The following LINS1 variants were observed in gnomAD, a reference collection of about 807,000 sequenced individuals.
LINS1 encodes the protein lines homolog 1, also known as protein Lines homolog 1.
In LINS1, 27 loss-of-function variants were observed where a neutral mutation model predicts 41.6. That is an observed-to-expected ratio of 0.65 (90% confidence interval 0.48 to 0.89). The LOEUF is 0.89. Ranked by LOEUF, LINS1 falls within the 40% of genes least tolerant of loss-of-function variation. The pLI, the probability that LINS1 is intolerant of heterozygous loss-of-function variation, is 0.00. For missense variants in LINS1, 955 were observed against 884.1 expected, an observed-to-expected ratio of 1.08 and a Z score of -1.02; for synonymous variants, 336 against 312.9, an observed-to-expected ratio of 1.07 and a Z score of -0.78.
intron 3 of LINS1, among the ~76,000 whole-genome samples, chr15:100,577,160 T>C (rs2038234514): frequency 6.6e-6 from 1 of 152,192 alleles, no homozygotes; most frequent in South Asian, 2.1e-4. Flanking sequence ...CAACAGAGTG[T>C]TGGAAATTCT....
In LINS1 at chr15:100,573,984, T is replaced by G; in HGVS notation, c.889A>C (p.Arg297=). The G allele has an allele frequency of 6.2e-7, 1 of 1,614,228 alleles. No individual in the cohort carries two copies. The highest frequency in any genetic ancestry group is 1.7e-5 in the Admixed American group (1 of 60,024). Residue 297 remains arginine (R), a synonymous_variant, in exon 5 of 7, where the codon AGG becomes CGG. Coordinates refer to ENST00000314742, the MANE Select transcript of LINS1 (RefSeq NM_001040616.3). ...TTTTTGAGGAATATGATGACCTTCC[T>G]TTTAACAAAAGCCTGAATAGGCCAG... ...ITWPIQAFVK[R]KVIIFLKKCL... is the part of the protein sequence containing the mutation.
intron 1 of LINS1, among the ~76,000 whole-genome samples, chr15:100,590,506 C>T (rs1397600920): frequency 2.0e-5 from 3 of 152,178 alleles, no homozygotes; most frequent in Admixed American, 6.5e-5. Context: ...TTGTTAGGTC[C>T]TTTTTCCATG....
chr15:100,574,020 C>G lies in LINS1; in HGVS notation c.853G>C (p.Glu285Gln). Reference protein sequence around the residue: ...ILFLKPSCMLEVITWPIQAFV... With the variant: ...ILFLKPSCMLQVITWPIQAFV... ...GCCTGAATAGGCCAGGTAATAACTT[C>G]TAGCATGCAAGATGGTTTCAAAAAT... Residue 285 changes from glutamate (E) to glutamine (Q), a missense_variant, in exon 5 of 7, where the codon GAA becomes CAA. Transcript: ENST00000314742. The G allele has an allele frequency of 6.2e-7, 1 of 1,614,056 alleles. No individual in the cohort carries two copies.
At chr15:100,586,107 G>A (rs2038790018) in intron 1 of LINS1, 1 of 152,208 alleles carries the variant, frequency 6.6e-6, no homozygotes, top group Admixed American at 6.5e-5. Flanking sequence ...GCAAATCTGT[G>A]TCCCATTTTA....
intron 1 of LINS1, among the ~76,000 whole-genome samples, chr15:100,585,333 C>G (rs1325159531): frequency 6.6e-6 from 1 of 152,222 alleles, no homozygotes; most frequent in South Asian, 2.1e-4. Flanking sequence ...AGTTGCAATG[C>G]TGTTTGGCCC....
In LINS1 at chr15:100,580,491, C is replaced by T; in HGVS notation, c.352G>A (p.Asp118Asn). Residue 118 changes from aspartate (D) to asparagine (N), a missense_variant, in exon 2 of 7, where the codon GAT (aspartate) becomes AAT (asparagine). Asp to Asn is a conservative substitution (Grantham distance 23). Transcript: ENST00000314742. ...GATTCTAAGAGAATTTTAATTACAT[C>T]TCTGTACTGCTCCTTTGCATGGAAC... ...TEFHAKEQYR[D>N]VIKILLESAK... The T allele has an allele frequency of 6.2e-7, 1 of 1,614,008 alleles. No homozygotes were observed. The highest frequency in any genetic ancestry group is 8.5e-7 in the Non-Finnish European group (1 of 1,179,950).
In LINS1 at chr15:100,568,849, GCAC is replaced by G. The variant is rs1371029938; in HGVS notation, c.*386_*388del. 11 of 183,254 alleles carry G rather than the reference GCAC, an allele frequency of 6.0e-5. No individual in the cohort carries two copies. The highest frequency in any genetic ancestry group is 1.0e-4 in the Non-Finnish European group (9 of 86,480). 11.4% of individuals were successfully genotyped at this position (183,254 alleles called of 1,614,324 possible). ...GAACTTGTCTAGAAAACCCAGCCGGGCACAGTGGCTCATGCCTGTAATCCCAGC... is the reference window on the plus strand; with the variant it reads ...GAACTTGTCTAGAAAACCCAGCCGGGAGTGGCTCATGCCTGTAATCCCAGC... On this transcript the variant is annotated 3_prime_UTR_variant, in exon 7 of 7. Transcript: ENST00000314742.
intron 1 of LINS1, among the ~76,000 whole-genome samples, chr15:100,588,086 A>T (rs895853180): frequency 5.3e-5 from 8 of 152,244 alleles, no homozygotes; most frequent in African/African-American, 1.9e-4. Context: ...TTTAATTAAT[A>T]CAAAAGGAAT....
rs950729640 is a variant in LINS1, at chr15:100,574,636, A to T, written c.631+351T>A. On this transcript the variant is annotated intron_variant, in intron 4 of 6. Coordinates refer to ENST00000314742, the MANE Select transcript of LINS1 (RefSeq NM_001040616.3). ...GGCAGAAGAATCACTTGAACTCGCAAGGCAGGGGTTGCAGTGAGCCAAGAT... is the reference window on the plus strand; with the variant it reads ...GGCAGAAGAATCACTTGAACTCGCATGGCAGGGGTTGCAGTGAGCCAAGAT... 1.1e-4 allele frequency among the ~76,000 whole-genome samples: 16 copies of T among 152,226 alleles called. 1 individual carries two copies. The highest frequency in any genetic ancestry group is 1.3e-4 in the Admixed American group (2 of 15,284).
At chr15:100,592,010 C>T (rs2039059607) in intron 1 of LINS1, among the ~76,000 whole-genome samples, 1 of 152,194 alleles carries the variant, frequency 6.6e-6, no homozygotes, top group African/African-American at 2.4e-5. Context: ...AATGGAAACA[C>T]TTCATCTATG....
In LINS1 at chr15:100,580,882, T is replaced by TC; in HGVS notation, c.-41dup. The stretch of plus-strand genomic sequence containing the variant: ...TGTATCTTATAAGAAGGTCGACAAC[T>TC]CCAAGTTGTAAACATTAAATCTCAG... On this transcript the variant is annotated 5_prime_UTR_variant, in exon 2 of 7. An upstream open reading frame in the 5' UTR gains an earlier in-frame stop. Coordinates refer to ENST00000314742, the MANE Select transcript of LINS1 (RefSeq NM_001040616.3). 3.8e-6 allele frequency: 6 copies of TC among 1,571,564 alleles called. No homozygotes were observed. Among genetic ancestry groups the TC allele is most frequent in the Non-Finnish European group, 5.2e-6 (6 of 1,149,560 alleles).
intron 1 of LINS1, among the ~76,000 whole-genome samples, chr15:100,588,665 G>C (rs866884267): frequency 6.6e-6 from 1 of 152,182 alleles, no homozygotes; most frequent in African/African-American, 2.4e-5. Context: ...TGGAGCATTA[G>C]ATTCTAGATA....
chr15:100,583,010 A>C (rs2038634582), intron 1 of LINS1, among the ~76,000 whole-genome samples: 1 of 150,620 alleles, frequency 6.6e-6, no homozygotes, highest in Non-Finnish European at 1.5e-5. Context: ...TCTTGCTCTT[A>C]CACTGGGTCT....
intron 1 of LINS1, among the ~76,000 whole-genome samples, chr15:100,584,061 T>C (rs1045574498): frequency 6.6e-6 from 1 of 152,152 alleles, no homozygotes; most frequent in Non-Finnish European, 1.5e-5. Flanking sequence ...TTGCCTGATA[T>C]ATTGTCTGTC....
At chr15:100,570,383 C>A in intron 6 of LINS1, 1 of 344,406 alleles carries the variant, frequency 2.9e-6, no homozygotes, top group Non-Finnish European at 5.4e-6. Flanking sequence ...CTCTCGACAT[C>A]AGAACTCCTC....
In LINS1 at chr15:100,569,603, C is replaced by T. The variant is rs376634257; in HGVS notation, c.1909G>A (p.Val637Met). 70 of 1,613,382 alleles carry T rather than the reference C, an allele frequency of 4.3e-5. No individual in the cohort carries two copies. Among genetic ancestry groups the T allele is most frequent in the Middle Eastern group, 3.3e-4 (2 of 6,084 alleles). The change falls in exon 7 of 7, where the codon GTG (valine) becomes ATG (methionine). Residue 637 changes from valine (V) to methionine (M), a missense_variant. Physicochemically the swap from Val to Met is conservative, Grantham distance 21. Coordinates refer to ENST00000314742, the MANE Select transcript of LINS1 (RefSeq NM_001040616.3). ...GCTAAACACTGCTCTGTGGATTCCA[C>T]GTCAGAATCGTCAGAGCTGTCGTAA... ...VDYDSSDDSD[V>M]ESTEQCLANS...
At chr15:100,598,230 C>G (rs1377863153) in intron 1 of LINS1, among the ~76,000 whole-genome samples, 2 of 152,196 alleles carry the variant, frequency 1.3e-5, no homozygotes, top group African/African-American at 4.8e-5. Context: ...CCTAGCACAG[C>G]ATTTGATACA....
chr15:100,587,056 G>A (rs144241370), intron 1 of LINS1, among the ~76,000 whole-genome samples: 1,520 of 150,898 alleles, frequency 0.01, 30 homozygotes, highest in African/African-American at 0.035. Context: ...CCACTTGGGA[G>A]GCTGAGGCAG....
chr15:100,572,700 T>C (rs929718068), intron 5 of LINS1: 145 of 986,336 alleles, frequency 1.5e-4, no homozygotes, highest in Admixed American at 4.3e-4. Context: ...TTCAAACTTT[T>C]CACTGAATCT....
Sources: gnomAD v4.1 joint callset for allele counts (sites outside exome capture counted in the v4.1 genomes callset) on GRCh38, gnomAD v4.1.1 for gene constraint, MANE v1.5 for transcripts, NCBI Gene and HGNC (gene_info 2026-07-23, HGNC 2026-07-21) for gene names.